The following HRC variants were observed in gnomAD, a reference collection of about 807,000 sequenced individuals.
HRC encodes histidine rich calcium binding protein.
HRC carries 41 observed loss-of-function variants against 61.4 expected under a neutral mutation model. The ratio of observed to expected loss-of-function variants is 0.67; its 90% CI spans 0.52 to 0.87. HRC has a LOEUF of 0.87. HRC is among the 40% of genes least tolerant of loss of function. The pLI, the probability that HRC is intolerant of heterozygous loss-of-function variation, is 0.00. For missense variants in HRC, 839 were observed against 885.8 expected, an observed-to-expected ratio of 0.95 and a Z score of 0.67; for synonymous variants, 308 against 326.6, an observed-to-expected ratio of 0.94 and a Z score of 0.62.
rs1568446030 is a variant in HRC, at chr19:49,154,495, T to TCAC, written c.742_743insGTG (p.Asp247_Asp248insGly). 3 of 1,588,072 alleles carry TCAC rather than the reference T, an allele frequency of 1.9e-6. No homozygotes were observed. Among genetic ancestry groups the TCAC allele is most frequent in the Non-Finnish European group, 2.6e-6 (3 of 1,161,122 alleles). Reference sequence around the variant, plus strand: ...ATCATCATCATCATCATCATCATCATCGTCATCTTCTTCATGGCCTTGGTG... The same window carrying TCAC: ...ATCATCATCATCATCATCATCATCATCACCGTCATCTTCTTCATGGCCTTGGTG... On this transcript the variant is annotated inframe_insertion, in exon 1 of 6. Coordinates refer to ENST00000252825, the MANE Select transcript of HRC (RefSeq NM_002152.3).
In HRC at chr19:49,154,037, T is replaced by C. The variant is rs1387230635; in HGVS notation, c.1201A>G (p.Ser401Gly). 4 of 1,614,026 alleles carry C rather than the reference T, an allele frequency of 2.5e-6. No homozygotes were observed. Among genetic ancestry groups the C allele is most frequent in the Admixed American group, 3.3e-5 (2 of 59,994 alleles). ...TCATCTTGGAAGTCCTCTTCATCAC[T>C]CTTGTGGCCTCGAGGTTGGTGGCTT... ...VASHQPRGHK[S>G]DEEDFQDEYK... is the part of the protein sequence containing the mutation. The change falls in exon 1 of 6, where the codon AGT becomes GGT. Residue 401 changes from serine to glycine, a missense_variant. Coordinates refer to ENST00000252825, the MANE Select transcript of HRC (RefSeq NM_002152.3).
chr19:49,152,620 A>T (rs2041372914), intron 2 of HRC, among the ~76,000 whole-genome samples: 1 of 144,080 alleles, frequency 6.9e-6, no homozygotes, highest in African/African-American at 2.6e-5. Flanking sequence ...CCCAGGCTGG[A>T]GTGCAGTGGC....
chr19:49,151,333 C>G lies in HRC; in HGVS notation c.2064-1G>C. 1.3e-6 allele frequency: 2 copies of G among 1,557,360 alleles called. No individual in the cohort carries two copies. Among genetic ancestry groups the G allele is most frequent in the Non-Finnish European group, 1.7e-6 (2 of 1,148,748 alleles). Reference sequence around the variant, plus strand: ...CGTTTCCAGCATGTCTGCCAGGGCCCTGGAGACGAGAACGCCAGAAGTTAG... The same window carrying G: ...CGTTTCCAGCATGTCTGCCAGGGCCGTGGAGACGAGAACGCCAGAAGTTAG... On this transcript the variant is annotated splice_acceptor_variant, in intron 5 of 5. Transcript: ENST00000252825. LOFTEE classifies it high-confidence loss of function.
chr19:49,154,488 A>ATCG lies in HRC; in HGVS notation c.749_750insCGA (p.Asp261dup). On this transcript the variant is annotated inframe_insertion, in exon 1 of 6. Transcript: ENST00000252825. The stretch of plus-strand genomic sequence containing the variant: ...CATCATCATCATCATCATCATCATC[A>ATCG]TCATCATCGTCATCTTCTTCATGGC... 1 of 1,577,722 alleles carries ATCG rather than the reference A, an allele frequency of 6.3e-7. No homozygotes were observed. Among genetic ancestry groups the ATCG allele is most frequent in the Non-Finnish European group, 8.6e-7 (1 of 1,158,528 alleles).
At position 49,154,638 on chromosome 19, in the gene HRC, C is replaced by T. The variant is rs769632158; in HGVS notation, c.600G>A (p.Glu200=). ...ACTCAGTGGAGGCCTCCTCTTCCTC[C>T]TCCTCCTCCTCCTCCTCCTCTTCTC... The part of the protein sequence containing the change: ...DEGEEEEEEE[E]EEEEASTEYG... Residue 200 remains glutamate (E), a synonymous_variant, in exon 1 of 6, where the codon GAG becomes GAA. Transcript: ENST00000252825. 3.8e-6 allele frequency: 6 copies of T among 1,590,830 alleles called. No individual in the cohort carries two copies. The African/African-American group carries it at 8.1e-5, about 21-fold the overall frequency.
chr19:49,151,470 C>CTATG (rs775930267), intron 5 of HRC, 47 bp downstream of exon 5: 115 of 1,602,548 alleles, frequency 7.2e-5, no homozygotes, highest in Non-Finnish European at 9.4e-5. Context: ...GCGAGACAAG[C>CTATG]ACTTCTCTAA....
Position 49,154,034 on chromosome 19 carries a change from C to T in HRC, c.1204G>A (p.Asp402Asn), listed in dbSNP as rs1420787466. Residue 402 changes from aspartate (D) to asparagine (N), a missense_variant, in exon 1 of 6, where the codon GAT (aspartate) becomes AAT (asparagine). Asp to Asn is a conservative substitution (Grantham distance 23). Transcript: ENST00000252825. The part of the protein sequence containing the change: ...ASHQPRGHKS[D>N]EEDFQDEYKT... ...TACTCATCTTGGAAGTCCTCTTCATCACTCTTGTGGCCTCGAGGTTGGTGG... is the reference window on the plus strand; with the variant it reads ...TACTCATCTTGGAAGTCCTCTTCATTACTCTTGTGGCCTCGAGGTTGGTGG... The T allele has an allele frequency of 1.2e-6, 2 of 1,614,038 alleles. No individual in the cohort carries two copies. The highest frequency in any genetic ancestry group is 2.7e-5 in the African/African-American group (2 of 74,916).
Position 49,152,045 on chromosome 19 carries a change from C to T in HRC, c.1985G>A (p.Cys662Tyr), listed in dbSNP as rs1365289719. The T allele has an allele frequency of 5.4e-5, 87 of 1,614,186 alleles. No individual in the cohort carries two copies. Among genetic ancestry groups the T allele is most frequent in the Non-Finnish European group, 7.2e-5 (85 of 1,180,020 alleles). The change falls in exon 4 of 6, where the codon TGC (cysteine) becomes TAC (tyrosine). Residue 662 changes from cysteine to tyrosine, a missense_variant. Cys to Tyr is a radical substitution (Grantham distance 194). Transcript: ENST00000252825. The stretch of plus-strand genomic sequence containing the variant: ...TTCGCAGACCAGCGGGCAGAGATAG[C>T]AGAACTGACAGTGCTGGAGGCGGGG... Reference protein sequence around the residue: ...HCDQCQHCQFCYLCPLVCETV... With the variant: ...HCDQCQHCQFYYLCPLVCETV...
At position 49,155,096 on chromosome 19, in the gene HRC, CG is replaced by C. The variant is rs2041412992; in HGVS notation, c.141del (p.Leu49SerfsTer326). ...TCTGCTGATGCCTCCTCGGAGAGCC[CG>C]GCGACTCCAGTGCTGTTGTTCCGGT... is the stretch of plus-strand genomic sequence containing the variant. ...FRNRNNSTGV[A>X]GLSEEASAEL... On this transcript the variant is annotated frameshift_variant, in exon 1 of 6. Coordinates refer to ENST00000252825, the MANE Select transcript of HRC (RefSeq NM_002152.3). LOFTEE classifies it high-confidence loss of function. This position sits in a 1 kb window ranked among gnomAD's most constrained non-coding sequence, Gnocchi z 4.7. The C allele has an allele frequency of 6.2e-7, 1 of 1,614,030 alleles. No individual in the cohort carries two copies. Among genetic ancestry groups the C allele is most frequent in the East Asian group, 2.2e-5 (1 of 44,902 alleles).
chr19:49,152,445 C>T, intron 2 of HRC, 67 bp from the exon 3 acceptor site: 1 of 1,350,360 alleles, frequency 7.4e-7, no homozygotes, highest in Non-Finnish European at 1.0e-6. Context: ...CGCCCCTGGC[C>T]CACCCCTGCA....
rs113567893 is a variant in HRC at position 49,151,849 on chromosome 19, G to T, written c.2026+155C>A. 1,164 of 737,842 alleles carry T rather than the reference G, an allele frequency of 1.6e-3. 14 individuals are homozygous for T. The African/African-American group carries it at 0.018, about 11-fold the overall frequency. 45.7% of individuals were successfully genotyped at this position (737,842 alleles called of 1,614,324 possible). A position where few individuals can be genotyped will look rare whatever the true frequency, so the allele number is the denominator to read the frequency against. ...AGCAACTCCACCTGGTGTTCCTCGA[G>T]CCAGGCCCCGGCCCACGTGCTCAGA... is the stretch of plus-strand genomic sequence containing the variant. On this transcript the variant is annotated intron_variant, in intron 4 of 5. Transcript: ENST00000252825.
At position 49,154,527 on chromosome 19, in the gene HRC, G is replaced by T. The variant is rs559657205; in HGVS notation, c.711C>A (p.Ser237Arg). Residue 237 changes from serine (S) to arginine (R), a missense_variant, in exon 1 of 6, where the codon AGC (serine) becomes AGA (arginine). Coordinates refer to ENST00000252825, the MANE Select transcript of HRC (RefSeq NM_002152.3). ...CTTCTTCATGGCCTTGGTGCCTGTG[G>T]CTGGGGCCATGATGATGGTGTCCAT... is the stretch of plus-strand genomic sequence containing the variant. The part of the protein sequence containing the change: ...VSDGHHHHGP[S>R]HRHQGHEEDD... 3 of 1,612,870 alleles carry T rather than the reference G, an allele frequency of 1.9e-6. No homozygotes were observed. The highest frequency in any genetic ancestry group is 2.5e-6 in the Non-Finnish European group (3 of 1,179,648).
At chr19:49,151,826 C>G (rs2041362356) in intron 4 of HRC, 178 bp downstream of exon 4, 2 of 676,030 alleles carry the variant, frequency 3.0e-6, no homozygotes, top group Non-Finnish European at 5.1e-6. Flanking sequence ...TTGGCTCCAG[C>G]AACTCCACCT....
In HRC at chr19:49,154,222, T is replaced by C; in HGVS notation, c.1016A>G (p.His339Arg). Residue 339 changes from histidine (H) to arginine (R), a missense_variant, in exon 1 of 6, where the codon CAT (histidine) becomes CGT (arginine). Transcript: ENST00000252825. Reference protein sequence around the residue: ...VEAVSGEHHHHVPDHRHQGHR... With the variant: ...VEAVSGEHHHRVPDHRHQGHR... ...GCCTTGGTGCCTGTGGTCAGGGACA[T>C]GATGGTGGTGTTCACCTGAGACAGC... 6.2e-7 allele frequency: 1 copy of C among 1,613,456 alleles called. No homozygotes were observed. Among genetic ancestry groups the C allele is most frequent in the Non-Finnish European group, 8.5e-7 (1 of 1,179,786 alleles).
rs577570290 is a variant in HRC at position 49,153,537 on chromosome 19, G to A, written c.1701C>T (p.Ser567=). 58 of 1,575,482 alleles carry A rather than the reference G, an allele frequency of 3.7e-5. No homozygotes were observed. The highest frequency in any genetic ancestry group is 1.8e-4 in the East Asian group (8 of 44,564). ...CCTCCTCCTCCTCCTCTTCCTCCTC[G>A]CTGTGGTCTGGGCTCAGTGGGGCCC... ...EVGAPLSPDH[S]EEEEEEEEGL... Residue 567 remains serine, a synonymous_variant, in exon 1 of 6, where the codon AGC becomes AGT. Transcript: ENST00000252825. The surrounding 1 kb of genome is among the most constrained non-coding windows in gnomAD (Gnocchi z 4.8).
rs150557795 is a variant in HRC, at chr19:49,154,269, G to C, written c.969C>G (p.Asp323Glu). The C allele has an allele frequency of 1.3e-6, 2 of 1,579,998 alleles. No homozygotes were observed. Residue 323 changes from aspartate (D) to glutamate (E), a missense_variant, in exon 1 of 6, where the codon GAC (aspartate) becomes GAG (glutamate). Physicochemically the swap from Asp to Glu is conservative, Grantham distance 45. Coordinates refer to ENST00000252825, the MANE Select transcript of HRC (RefSeq NM_002152.3). The part of the protein sequence containing the change: ...EYGHQAHRHQ[D>E]HRKEEVEAVS... The stretch of plus-strand genomic sequence containing the variant: ...CAGCCTCAACCTCTTCCTTTCTGTG[G>C]TCTTGGTGCCTGTGGGCCTGGTGTC...
Position 49,153,592 on chromosome 19 carries a change from T to C in HRC, c.1646A>G (p.Glu549Gly), listed in dbSNP as rs1249956777. Residue 549 changes from glutamate to glycine, a missense_variant, in exon 1 of 6, where the codon GAG becomes GGG. By Grantham distance (98) the Glu-to-Gly change is moderately conservative. Coordinates refer to ENST00000252825, the MANE Select transcript of HRC (RefSeq NM_002152.3). This position sits in a 1 kb window ranked among gnomAD's most constrained non-coding sequence, Gnocchi z 4.8. ...DKEEEEEEED[E>G]ERREERAEVG... The stretch of plus-strand genomic sequence containing the variant: ...CTCAGCCCTCTCTTCCCTCCTCTCC[T>C]CGTCTTCTTCCTCCTCCTCCTCCTC... 6.5e-7 allele frequency: 1 copy of C among 1,534,666 alleles called. No individual in the cohort carries two copies. Among genetic ancestry groups the C allele is most frequent in the Non-Finnish European group, 8.9e-7 (1 of 1,117,482 alleles).
chr19:49,151,626 T>G (rs1486089551), intron 4 of HRC, 73 bp from the exon 5 acceptor site: 1 of 1,347,206 alleles, frequency 7.4e-7, no homozygotes, highest in African/African-American at 1.4e-5. Flanking sequence ...CAGTATAGCG[T>G]GCGAGATTAG....
chr19:49,151,696 C>G, intron 4 of HRC, 143 bp from the exon 5 acceptor site: 1 of 772,080 alleles, frequency 1.3e-6, no homozygotes, highest in Non-Finnish European at 2.1e-6. Context: ...TCTACCGGAC[C>G]CCTTTTTCGT....
Sources: gnomAD v4.1 joint callset for allele counts (sites outside exome capture counted in the v4.1 genomes callset) on GRCh38, gnomAD v4.1.1 for gene constraint, Gnocchi (gnomAD v3.1) non-coding constraint, MANE v1.5 for transcripts, NCBI Gene and HGNC (gene_info 2026-07-23, HGNC 2026-07-21) for gene names.